The following LRRK1 variants were observed in gnomAD, a reference collection of about 807,000 sequenced individuals.
LRRK1 encodes the protein leucine rich repeat kinase 1, also known as leucine-rich repeat serine/threonine-protein kinase 1.
Under a neutral mutation model 209.1 loss-of-function variants are expected in LRRK1, and 113 were observed. The ratio of observed to expected loss-of-function variants is 0.54; its 90% CI spans 0.46 to 0.63. The LOEUF is 0.63. LRRK1 is among the 30% of genes least tolerant of loss of function. LRRK1 has a pLI of 0.00. For missense variants in LRRK1, 2,284 were observed against 2,632.2 expected (o/e 0.87, Z 2.89); for synonymous variants, 1,144 against 1,099.7 (o/e 1.04, Z -0.80).
At chr15:101,047,087 C>T (rs11630959) in intron 21 of LRRK1, among the ~76,000 whole-genome samples, 39,400 of 152,150 alleles carry the variant, frequency 0.26, 5,789 homozygotes, top group Middle Eastern at 0.36. Flanking sequence ...TTTGGTTTTG[C>T]GAACCTCTGG....
intron 33 of LRRK1, among the ~76,000 whole-genome samples, chr15:101,067,039 T>A (rs929523780): frequency 6.6e-6 from 1 of 152,208 alleles, no homozygotes; most frequent in Admixed American, 6.5e-5. Context: ...GCAATCGACA[T>A]GCAGATGCAT....
At chr15:101,048,378 T>G (rs1596320665) in intron 21 of LRRK1, 116 bp from the exon 22 acceptor site, 2 of 835,002 alleles carry the variant, frequency 2.4e-6, no homozygotes, top group Non-Finnish European at 1.8e-6. Context: ...GAGGAGAGGG[T>G]GGGAAAGATG....
intron 3 of LRRK1, among the ~76,000 whole-genome samples, chr15:100,982,841 T>C (rs2031678238): frequency 6.6e-6 from 1 of 152,178 alleles, no homozygotes; most frequent in African/African-American, 2.4e-5. Context: ...ATGAAGCAGG[T>C]AGTCGAGAGC....
At chr15:100,955,936 G>A (rs549927837) in intron 2 of LRRK1, among the ~76,000 whole-genome samples, 23 of 151,994 alleles carry the variant, frequency 1.5e-4, no homozygotes, top group Non-Finnish European at 3.2e-4. Context: ...CAGGGATATT[G>A]GTCTGTAATT....
intron 2 of LRRK1, among the ~76,000 whole-genome samples, chr15:100,945,178 CA>C (rs1241056950): frequency 1.3e-5 from 2 of 152,196 alleles, no homozygotes; most frequent in Non-Finnish European, 2.9e-5. Context: ...AACACATTCC[CA>C]AAGTGATGGG....
At chr15:100,962,663 A>G (rs2030073762) in intron 2 of LRRK1, among the ~76,000 whole-genome samples, 2 of 150,674 alleles carry the variant, frequency 1.3e-5, no homozygotes, top group South Asian at 4.2e-4. Context: ...AAAGAGTGTC[A>G]GGTTCAGGTT....
Position 101,024,636 on chromosome 15 carries a change from G to A in LRRK1, c.2068-167G>A, listed in dbSNP as rs372838853. Reference sequence around the variant, plus strand: ...CCATGCCACCGGGCCCCTGTCCCTCGCCCAGATAACTGTTTCCTAAGAAAC... The same window carrying A: ...CCATGCCACCGGGCCCCTGTCCCTCACCCAGATAACTGTTTCCTAAGAAAC... On this transcript the variant is annotated intron_variant, in intron 15 of 33. Transcript: ENST00000388948. This position sits in a 1 kb window ranked among gnomAD's most constrained non-coding sequence, Gnocchi z 4.6. 5.9e-5 allele frequency among the ~76,000 whole-genome samples: 9 copies of A among 152,172 alleles called. No individual in the cohort carries two copies. Among genetic ancestry groups the A allele is most frequent in the Admixed American group, 2.6e-4 (4 of 15,282 alleles).
At chr15:100,985,280 G>A (rs12440988) in intron 4 of LRRK1, among the ~76,000 whole-genome samples, 74,040 of 152,044 alleles carry the variant, frequency 0.49, 18,353 homozygotes, top group African/African-American at 0.58. Context: ...GCCTCTTCTC[G>A]GGGAGCCCCA....
At chr15:100,939,611 A>G (rs1000589226) in intron 2 of LRRK1, among the ~76,000 whole-genome samples, 1 of 152,216 alleles carries the variant, frequency 6.6e-6, no homozygotes, top group African/African-American at 2.4e-5. Flanking sequence ...CAATGGTTTT[A>G]TCAGTCATTG....
At chr15:100,999,724 T>C (rs28680808) in intron 6 of LRRK1, among the ~76,000 whole-genome samples, 1,852 of 152,348 alleles carry the variant, frequency 0.012, 49 homozygotes, top group African/African-American at 0.04. Flanking sequence ...ATTTTCCTTG[T>C]TTGTTTCATA....
At chr15:101,060,389 T>C (rs527673418) in intron 29 of LRRK1, among the ~76,000 whole-genome samples, 89 of 152,240 alleles carry the variant, frequency 5.8e-4, no homozygotes, top group South Asian at 5.0e-3. Flanking sequence ...TTCTGATGCA[T>C]AAAAAAATGA....
chr15:100,951,740 T>C (rs1312352625), intron 2 of LRRK1, among the ~76,000 whole-genome samples: 1 of 152,036 alleles, frequency 6.6e-6, no homozygotes, highest in Non-Finnish European at 1.5e-5. Flanking sequence ...TCATCTCAGG[T>C]CAGGAGTTTG....
chr15:101,065,985 C>T lies in LRRK1; in HGVS notation c.5548C>T (p.Arg1850Cys), dbSNP rs41525944. 10,989 of 1,614,146 alleles carry T rather than the reference C, an allele frequency of 6.8e-3. 51 individuals are homozygous for T. The highest frequency in any genetic ancestry group is 8.4e-3 in the Non-Finnish European group (9,858 of 1,180,030). Residue 1850 changes from arginine to cysteine, a missense_variant, in exon 32 of 34, where the codon CGC becomes TGC. Physicochemically the swap from Arg to Cys is radical, Grantham distance 180. This residue lies in a region of LRRK1 where 643 missense variants were observed against 695.9 expected (regional missense o/e 0.92). Coordinates refer to ENST00000388948, the MANE Select transcript of LRRK1 (RefSeq NM_024652.6). Reference protein sequence around the residue: ...SMSSYSSSPPRQAARSPSSLP... With the variant: ...SMSSYSSSPPCQAARSPSSLP... ...GTCCTCCTACTCCTCATCCCCACCC[C>T]GCCAGGCTGCCAGGTCCCCCTCAAG...
chr15:101,023,504 C>G (rs184591110), intron 15 of LRRK1, among the ~76,000 whole-genome samples: 12 of 152,262 alleles, frequency 7.9e-5, no homozygotes, highest in Non-Finnish European at 1.2e-4. Context: ...TCTCTGAGCT[C>G]GGGGAACGAA....
At chr15:100,965,742 C>T (rs1349559302) in intron 2 of LRRK1, among the ~76,000 whole-genome samples, 1 of 152,146 alleles carries the variant, frequency 6.6e-6, no homozygotes, top group East Asian at 1.9e-4. Flanking sequence ...TCCTTCTCCT[C>T]CTTTACTTCG....
At position 101,062,659 on chromosome 15, in the gene LRRK1, C is replaced by G; in HGVS notation, c.4883C>G (p.Thr1628Ser). The G allele has an allele frequency of 1.2e-6, 2 of 1,614,140 alleles. No individual in the cohort carries two copies. Among genetic ancestry groups the G allele is most frequent in the Non-Finnish European group, 1.7e-6 (2 of 1,179,956 alleles). Residue 1628 changes from threonine (T) to serine (S), a missense_variant, in exon 31 of 34, where the codon ACC becomes AGC. This residue lies in a region of LRRK1 where 643 missense variants were observed against 695.9 expected (regional missense o/e 0.92). Coordinates refer to ENST00000388948, the MANE Select transcript of LRRK1 (RefSeq NM_024652.6). ...GCCTTGGATACTCCAGCTGTCGTCA[C>G]CTGCTTCTTGGCCGTGCCTGTTATT... ...QQALDTPAVVTCFLAVPVIKK... is the reference protein window; with the variant it reads ...QQALDTPAVVSCFLAVPVIKK...
intron 3 of LRRK1, 21 bp from the exon 4 acceptor site, chr15:100,983,507 G>C (rs752164990): frequency 1.3e-6 from 2 of 1,562,714 alleles, no homozygotes; most frequent in Non-Finnish European, 1.7e-6. Flanking sequence ...TCTCACTGGA[G>C]CCCTGTTCTG....
rs201543283 is a variant in LRRK1, at chr15:100,924,642, A to C, written c.10A>C (p.Met4Leu). 6.2e-7 allele frequency: 1 copy of C among 1,614,118 alleles called. No individual in the cohort carries two copies. The change falls in exon 2 of 34, where the codon ATG becomes CTG. Residue 4 changes from methionine (M) to leucine (L), a missense_variant. By Grantham distance (15) the Met-to-Leu change is conservative (BLOSUM62 2). Transcript: ENST00000388948. MAG[M>L]SQRPPSMYWC... The stretch of plus-strand genomic sequence containing the variant: ...GCTGCTGCAAGGGTTGATGGCTGGC[A>C]TGTCGCAAAGACCCCCCAGCATGTA...
chr15:101,063,932 G>A (rs1344441831), intron 31 of LRRK1, among the ~76,000 whole-genome samples: 1 of 152,220 alleles, frequency 6.6e-6, no homozygotes, highest in African/African-American at 2.4e-5. Context: ...GACACAAAGT[G>A]TTATTGAGGC....
Sources: gnomAD v4.1 joint callset for allele counts (sites outside exome capture counted in the v4.1 genomes callset) on GRCh38, gnomAD v4.1.1 for gene constraint, gnomAD v4.1.1 regional missense constraint, Gnocchi (gnomAD v3.1) non-coding constraint, MANE v1.5 for transcripts, NCBI Gene and HGNC (gene_info 2026-07-23, HGNC 2026-07-21) for gene names.